EYS: variants seen among roughly 807,000 people sequenced by gnomAD.
EYS encodes protein eyes shut homolog.
EYS carries 250 observed loss-of-function variants against 282.1 expected under a neutral mutation model. The ratio of observed to expected loss-of-function variants is 0.89; its 90% CI spans 0.80 to 0.98. The LOEUF (loss-of-function observed/expected upper bound fraction) is 0.98, where lower values mean the gene tolerates loss of function less well. Among genes scored for constraint, EYS ranks in the 50% least tolerant of loss-of-function variants. The pLI is 0.00. For synonymous variants in EYS, 1,355 were observed against 1,282.9 expected (o/e 1.06, Z -1.20); for missense variants, 4,016 against 3,709.0 (o/e 1.08, Z -2.15).
chr6:64,439,383 G>A, intron 26 of EYS, 31 bp from the exon 27 acceptor site: 1 of 1,394,796 alleles, frequency 7.2e-7, no homozygotes, highest in Non-Finnish European at 9.5e-7. Flanking sequence ...TACAATTTAG[G>A]TTGAAATAAA....
At chr6:65,361,279 G>C (rs1327445675) in intron 8 of EYS, among the ~76,000 whole-genome samples, 1 of 151,716 alleles carries the variant, frequency 6.6e-6, no homozygotes, top group Admixed American at 6.6e-5. Context: ...CGAGTTACTG[G>C]GTGCAGCACA....
intron 26 of EYS, among the ~76,000 whole-genome samples, chr6:64,566,180 A>C (rs2149814748): frequency 6.6e-6 from 1 of 152,268 alleles, no homozygotes; most frequent in East Asian, 1.9e-4. Context: ...TTCTCTGATG[A>C]GATAGTGGTT....
chr6:64,290,703 A>G (rs1768673366), intron 30 of EYS, among the ~76,000 whole-genome samples: 1 of 151,952 alleles, frequency 6.6e-6, no homozygotes, highest in Non-Finnish European at 1.5e-5. Flanking sequence ...GAAAGAATAG[A>G]TGACAAAGTC....
intron 19 of EYS, 21 bp downstream of exon 19, chr6:64,886,676 A>G (rs1373558089): frequency 8.5e-6 from 13 of 1,523,040 alleles, no homozygotes; most frequent in Non-Finnish European, 1.1e-5. Flanking sequence ...GTTGCTGCAC[A>G]TGGGACAGAT....
intron 12 of EYS, among the ~76,000 whole-genome samples, chr6:65,231,888 A>G (rs1020127596): frequency 6.6e-6 from 1 of 151,920 alleles, no homozygotes; most frequent in African/African-American, 2.4e-5. Flanking sequence ...CTTGTGGTTG[A>G]AAAAGATATA....
chr6:64,260,048 A>C (rs1562276470), intron 30 of EYS, among the ~76,000 whole-genome samples: 1 of 152,040 alleles, frequency 6.6e-6, no homozygotes, highest in Non-Finnish European at 1.5e-5. Flanking sequence ...TCTTAGCGTT[A>C]AGTATGTAAA....
At chr6:64,914,219 A>G (rs1768093986) in intron 15 of EYS, among the ~76,000 whole-genome samples, 1 of 152,166 alleles carries the variant, frequency 6.6e-6, no homozygotes. Flanking sequence ...GAGGTAGTCC[A>G]TCAGCTGGGT....
intron 19 of EYS, among the ~76,000 whole-genome samples, chr6:64,831,240 T>G (rs1765204663): frequency 6.6e-6 from 1 of 151,942 alleles, no homozygotes; most frequent in Non-Finnish European, 1.5e-5. Context: ...AATTTTTTTG[T>G]CAAAAAACTT....
chr6:64,320,201 G>T (rs1181472410), intron 29 of EYS, among the ~76,000 whole-genome samples: 1 of 151,850 alleles, frequency 6.6e-6, no homozygotes, highest in Non-Finnish European at 1.5e-5. Context: ...GTTTTATTAA[G>T]ATTATTAGAT....
At chr6:63,934,879 C>T (rs1765010318) in intron 35 of EYS, among the ~76,000 whole-genome samples, 1 of 151,848 alleles carries the variant, frequency 6.6e-6, no homozygotes, top group Non-Finnish European at 1.5e-5. Context: ...TGCACATGTA[C>T]CCTAAAACTT....
chr6:65,544,189 C>T (rs1582437561), intron 2 of EYS, among the ~76,000 whole-genome samples: 1 of 152,062 alleles, frequency 6.6e-6, no homozygotes, highest in Admixed American at 6.6e-5. Flanking sequence ...TGTTGTTTGT[C>T]ATTGCACTTT....
chr6:64,401,727 G>A (rs1277721177), intron 28 of EYS, among the ~76,000 whole-genome samples: 1 of 151,904 alleles, frequency 6.6e-6, no homozygotes, highest in Non-Finnish European at 1.5e-5. Context: ...TAGATATAGT[G>A]GATATTTCTG....
At chr6:64,768,090 T>G (rs573051281) in intron 22 of EYS, among the ~76,000 whole-genome samples, 23 of 152,240 alleles carry the variant, frequency 1.5e-4, no homozygotes, top group Middle Eastern at 3.4e-3. Flanking sequence ...TTCCCAATAT[T>G]AACATGAAAT....
At chr6:65,515,181 C>T (rs1767074977) in intron 2 of EYS, among the ~76,000 whole-genome samples, 1 of 151,956 alleles carries the variant, frequency 6.6e-6, no homozygotes, top group African/African-American at 2.4e-5. Flanking sequence ...CCAAAAAACA[C>T]ATGAAAAAAT....
chr6:64,821,133 T>C (rs915653926), intron 21 of EYS, among the ~76,000 whole-genome samples: 2 of 151,964 alleles, frequency 1.3e-5, no homozygotes, highest in Non-Finnish European at 2.9e-5. Context: ...AAATACCATA[T>C]GTCAATCACA....
At chr6:65,280,708 C>T (rs1768192294) in intron 12 of EYS, among the ~76,000 whole-genome samples, 1 of 151,444 alleles carries the variant, frequency 6.6e-6, no homozygotes, top group East Asian at 1.9e-4. Context: ...GATATTAATT[C>T]ATCTGATACA....
At chr6:64,381,478 T>C (rs1561961500) in intron 29 of EYS, among the ~76,000 whole-genome samples, 1 of 152,226 alleles carries the variant, frequency 6.6e-6, no homozygotes, top group Admixed American at 6.5e-5. Context: ...TTTCTTTTTT[T>C]CTCTTCCATG....
chr6:65,180,583 T>C (rs1765351889), intron 12 of EYS, among the ~76,000 whole-genome samples: 1 of 152,032 alleles, frequency 6.6e-6, no homozygotes. Context: ...AAGAACATTC[T>C]ATGCTCATGG....
chr6:63,862,434 T>A (rs1315279119), intron 36 of EYS, among the ~76,000 whole-genome samples: 1 of 150,576 alleles, frequency 6.6e-6, no homozygotes, highest in African/African-American at 2.5e-5. Flanking sequence ...AAAAAAAAAA[T>A]TTACACTGAG....
Sources: allele counts gnomAD v4.1 joint callset (sites outside exome capture counted in the v4.1 genomes callset), GRCh38; gene constraint gnomAD v4.1.1; transcripts MANE v1.5; gene names NCBI Gene and HGNC (gene_info 2026-07-23, HGNC 2026-07-21).